NPAS3: variants seen among roughly 807,000 people sequenced by gnomAD.
NPAS3 encodes neuronal PAS domain-containing protein 3.
A neutral mutation model predicts 73.1 loss-of-function variants in NPAS3; 14 were observed. The ratio of observed to expected loss-of-function variants is 0.19; its 90% CI spans 0.13 to 0.30. The LOEUF is 0.30. Among genes scored for constraint, NPAS3 ranks in the 10% least tolerant of loss-of-function variants. The probability of loss-of-function intolerance (pLI) is 1.00; values close to 1 mark genes in which losing one functional copy is unlikely to be tolerated. For synonymous variants in NPAS3, 620 were observed against 541.5 expected (o/e 1.14, Z -2.01); for missense variants, 1,096 against 1,250.0 (o/e 0.88, Z 1.86).
rs183499190 is a variant in NPAS3, at chr14:33,318,635, G to T, written c.386-48551G>T. Among the ~76,000 whole-genome samples the T allele has an allele frequency of 3.9e-5, 6 of 152,088 alleles. No homozygotes were observed. The East Asian group carries it at 9.7e-4, about 25-fold the overall frequency. Reference sequence around the variant, plus strand: ...CAAATGATAATAATTGCTGAATCAAGGTAGAAGGTATATGGATATTTACTA... The same window carrying T: ...CAAATGATAATAATTGCTGAATCAATGTAGAAGGTATATGGATATTTACTA... On this transcript the variant is annotated intron_variant, in intron 3 of 11. Coordinates refer to ENST00000356141, the Ensembl canonical transcript of NPAS3.
intron 1 of NPAS3, among the ~76,000 whole-genome samples, chr14:32,967,204 T>C (rs1215339395): frequency 6.6e-6 from 1 of 152,238 alleles, no homozygotes; most frequent in Non-Finnish European, 1.5e-5. Context: ...TTTATCATGA[T>C]CCACTTCCAC....
In NPAS3 at chr14:33,237,170, A is replaced by G. The variant is rs74389701; in HGVS notation, c.385+21744A>G. Among the ~76,000 whole-genome samples the G allele has an allele frequency of 3.7e-3, 562 of 152,204 alleles. 4 individuals are homozygous for G. The highest frequency in any genetic ancestry group is 0.012 in the African/African-American group (491 of 41,560). ...GTGTTCATTGAATCTTTACTATAGA[A>G]ATGGAGTGTGGTTACTTAACACTTT... On this transcript the variant is annotated intron_variant, in intron 3 of 11. Coordinates refer to ENST00000356141, the Ensembl canonical transcript of NPAS3.
chr14:33,296,452 G>A (rs1375363624), intron 3 of NPAS3, among the ~76,000 whole-genome samples: 1 of 152,170 alleles, frequency 6.6e-6, no homozygotes, highest in Non-Finnish European at 1.5e-5. Context: ...TGTCTTTACA[G>A]CATTTCTTTT....
intron 2 of NPAS3, among the ~76,000 whole-genome samples, chr14:33,183,573 C>T (rs371402029): frequency 1.3e-5 from 2 of 151,786 alleles, no homozygotes; most frequent in East Asian, 3.9e-4. Context: ...TCCATCACGC[C>T]TGTGTCTGCC....
chr14:33,085,084 T>C (rs553489137), intron 2 of NPAS3, among the ~76,000 whole-genome samples: 2 of 152,328 alleles, frequency 1.3e-5, no homozygotes, highest in Middle Eastern at 3.4e-3. Context: ...CACATGAATA[T>C]GGACATTATT....
chr14:33,757,805 G>C (rs1048929866), intron 7 of NPAS3, among the ~76,000 whole-genome samples: 1 of 152,164 alleles, frequency 6.6e-6, no homozygotes. Context: ...AGTGGTCCAA[G>C]GTTGAAGCCT....
At chr14:33,496,210 C>A (rs141991829) in intron 4 of NPAS3, among the ~76,000 whole-genome samples, 5 of 152,096 alleles carry the variant, frequency 3.3e-5, no homozygotes, top group African/African-American at 7.2e-5. Flanking sequence ...TAATTAATAG[C>A]CTACCAACCA....
intron 5 of NPAS3, among the ~76,000 whole-genome samples, chr14:33,579,303 A>C (rs1654443032): frequency 6.6e-6 from 1 of 152,232 alleles, no homozygotes; most frequent in South Asian, 2.1e-4. Flanking sequence ...GAAATGCAGA[A>C]ATCAATCTCT....
At chr14:33,776,252 C>G (rs1458886865) in intron 8 of NPAS3, among the ~76,000 whole-genome samples, 1 of 152,090 alleles carries the variant, frequency 6.6e-6, no homozygotes, top group Non-Finnish European at 1.5e-5. Flanking sequence ...GACATCAAAT[C>G]AGAGGATGGA....
At chr14:33,397,068 G>A (rs2047256192) in intron 4 of NPAS3, among the ~76,000 whole-genome samples, 1 of 152,034 alleles carries the variant, frequency 6.6e-6, no homozygotes, top group Non-Finnish European at 1.5e-5. Flanking sequence ...CATGGGGAAT[G>A]GTGAGTTTGG....
intron 2 of NPAS3, among the ~76,000 whole-genome samples, chr14:33,079,792 A>G (rs2041806612): frequency 6.6e-6 from 1 of 150,680 alleles, no homozygotes; most frequent in African/African-American, 2.4e-5. Context: ...TTGTATTTTT[A>G]TTAGAAACGG....
At chr14:33,717,069 A>C (rs1206678144) in intron 6 of NPAS3, among the ~76,000 whole-genome samples, 4 of 151,282 alleles carry the variant, frequency 2.6e-5, no homozygotes, top group Non-Finnish European at 5.9e-5. Context: ...CAAAGAAGGC[A>C]CTGAGTAGAG....
At chr14:33,540,856 C>T (rs2054478922) in intron 4 of NPAS3, among the ~76,000 whole-genome samples, 1 of 152,140 alleles carries the variant, frequency 6.6e-6, no homozygotes, top group Admixed American at 6.5e-5. Flanking sequence ...GCGGACACCA[C>T]TTTCAAGCTA....
chr14:33,119,293 C>T (rs1227846093), intron 2 of NPAS3, among the ~76,000 whole-genome samples: 1 of 151,878 alleles, frequency 6.6e-6, no homozygotes, highest in African/African-American at 2.4e-5. Flanking sequence ...TTTCCACTGC[C>T]GTTATTTCTT....
chr14:33,187,821 A>G (rs1202813106), intron 2 of NPAS3, among the ~76,000 whole-genome samples: 3 of 152,184 alleles, frequency 2.0e-5, no homozygotes, highest in Non-Finnish European at 2.9e-5. Flanking sequence ...TGCTTTATAT[A>G]TTTTTAATCA....
chr14:33,579,350 G>A (rs796911087), intron 5 of NPAS3, among the ~76,000 whole-genome samples: 4 of 152,324 alleles, frequency 2.6e-5, no homozygotes, highest in African/African-American at 7.2e-5. Flanking sequence ...AGCTAGAGAA[G>A]CATCATATTT....
At chr14:33,365,159 C>T (rs1321659304) in intron 3 of NPAS3, among the ~76,000 whole-genome samples, 1 of 143,290 alleles carries the variant, frequency 7.0e-6, no homozygotes. Context: ...TTTTTCAACT[C>T]CCCCGCTTCT....
At chr14:33,492,022 A>G (rs1248534367) in intron 4 of NPAS3, among the ~76,000 whole-genome samples, 1 of 152,144 alleles carries the variant, frequency 6.6e-6, no homozygotes, top group Non-Finnish European at 1.5e-5. Context: ...CAATGAGGCT[A>G]CAGTTTGAGT....
At chr14:33,434,269 G>A (rs184087027) in intron 4 of NPAS3, among the ~76,000 whole-genome samples, 2 of 152,242 alleles carry the variant, frequency 1.3e-5, no homozygotes, top group East Asian at 3.9e-4. Flanking sequence ...GCTCACACCT[G>A]TAATCCCAGC....
Sources: gnomAD v4.1 joint callset for allele counts (sites outside exome capture counted in the v4.1 genomes callset) on GRCh38, gnomAD v4.1.1 for gene constraint, MANE v1.5 for transcripts, NCBI Gene and HGNC (gene_info 2026-07-23, HGNC 2026-07-21) for gene names.